BRD3: variants seen among roughly 807,000 people sequenced by gnomAD.
The protein encoded by BRD3 is bromodomain-containing protein 3.
In BRD3, 17 loss-of-function variants were observed where a neutral mutation model predicts 66.8. That is an observed-to-expected ratio of 0.25 (90% CI 0.17 to 0.38). The LOEUF is 0.38. Among genes scored for constraint, BRD3 ranks in the 10% least tolerant of loss-of-function variants. The pLI, the probability that BRD3 is intolerant of heterozygous loss-of-function variation, is 1.00. For synonymous variants in BRD3, 421 were observed against 393.2 expected (o/e 1.07, Z -0.84); for missense variants, 713 against 956.1 (o/e 0.75, Z 3.35).
intron 1 of BRD3, 184 bp from the exon 2 acceptor site, chr9:134,053,774 A>T (rs1830354757): frequency 2.0e-6 from 1 of 492,746 alleles, no homozygotes. Flanking sequence ...GCGAAGCGCG[A>T]CCAGCTCAGA....
At chr9:134,065,477 G>A (rs1005916961) in intron 1 of BRD3, among the ~76,000 whole-genome samples, 4 of 151,076 alleles carry the variant, frequency 2.6e-5, no homozygotes, top group South Asian at 4.2e-4. Flanking sequence ...CAGGAACCCC[G>A]TCAGGTCAGT....
At position 134,053,382 on chromosome 9, in the gene BRD3, G is replaced by A. The variant is rs138361550; in HGVS notation, c.96C>T (p.Pro32=). The A allele has an allele frequency of 6.0e-5, 97 of 1,613,360 alleles. No homozygotes were observed. The African/African-American group carries it at 8.3e-4, about 14-fold the overall frequency. Residue 32 remains proline, a synonymous_variant, in exon 2 of 12, where the codon CCC becomes CCT. Transcript: ENST00000303407. ...ACTGCAGCTGGTTGGTCTTGCGGCC[G>A]GGCTTGCTGGGGTTGGAGACCTCCG... ...PPPEVSNPSK[P]GRKTNQLQYM... is the part of the protein sequence containing the mutation.
chr9:134,066,631 A>G (rs1219922415), intron 1 of BRD3, among the ~76,000 whole-genome samples: 1 of 152,102 alleles, frequency 6.6e-6, no homozygotes, highest in Non-Finnish European at 1.5e-5. Context: ...CAGGGTAAAA[A>G]GAAAACTCTT....
intron 1 of BRD3, among the ~76,000 whole-genome samples, chr9:134,060,587 G>GACACACACAC (rs10661799): frequency 0.018 from 2,632 of 143,828 alleles, 40 homozygotes; most frequent in African/African-American, 0.028. Flanking sequence ...GCAAGACCCT[G>GACACACACAC]ACACACACAC....
At position 134,041,804 on chromosome 9, in the gene BRD3, A is replaced by G. The variant is rs780935416; in HGVS notation, c.1363T>C (p.Ser455Pro). 3.1e-6 allele frequency: 5 copies of G among 1,612,654 alleles called. No homozygotes were observed. The South Asian group carries it at 3.3e-5, about 11-fold the overall frequency. The change falls in exon 8 of 12, where the codon TCG becomes CCG. Residue 455 changes from serine to proline, a missense_variant. Transcript: ENST00000303407. ...ESSSDSGSSD[S>P]EEERATRLAE... The stretch of plus-strand genomic sequence containing the variant: ...AGCCTGGTGGCCCGCTCCTCCTCCG[A>G]GTCCGAGCTGCCTGAGTCCGAAGAG...
chr9:134,051,786 CA>C, intron 3 of BRD3, 77 bp from the exon 4 acceptor site: 8 of 1,455,508 alleles, frequency 5.5e-6, no homozygotes, highest in South Asian at 4.0e-5. Flanking sequence ...AGTTGTAGCT[CA>C]AAAAAATATT....
intron 1 of BRD3, chr9:134,054,380 G>A (rs1454585347): frequency 6.6e-6 from 1 of 152,066 alleles, no homozygotes; most frequent in Non-Finnish European, 1.5e-5. Context: ...GCGTGTCCCA[G>A]GAGGGCACGG....
intron 6 of BRD3, chr9:134,047,866 A>T: frequency 1.8e-6 from 1 of 557,396 alleles, no homozygotes; most frequent in Non-Finnish European, 3.0e-6. Context: ...AAACAACAAC[A>T]GAGCCACAGA....
At chr9:134,037,579 T>C (rs1009107891) in intron 9 of BRD3, among the ~76,000 whole-genome samples, 8 of 151,874 alleles carry the variant, frequency 5.3e-5, no homozygotes, top group Admixed American at 2.0e-4. Context: ...TCAAAAAAAT[T>C]TAAAAAATAA....
At chr9:134,066,684 G>C (rs1830665299) in intron 1 of BRD3, among the ~76,000 whole-genome samples, 2 of 152,200 alleles carry the variant, frequency 1.3e-5, no homozygotes, top group African/African-American at 2.4e-5. Flanking sequence ...GGGGGAGGAC[G>C]GGACACACGA....
intron 1 of BRD3, among the ~76,000 whole-genome samples, chr9:134,061,611 C>T (rs1183840517): frequency 2.6e-5 from 4 of 152,204 alleles, no homozygotes; most frequent in African/African-American, 7.2e-5. Context: ...GTACCTGTGT[C>T]CCTGACTGGA....
At chr9:134,035,291 G>A (rs1174203435) in intron 10 of BRD3, among the ~76,000 whole-genome samples, 4 of 152,176 alleles carry the variant, frequency 2.6e-5, no homozygotes, top group African/African-American at 9.7e-5. Context: ...CTTACCGTGG[G>A]TCAGACGCAC....
intron 1 of BRD3, among the ~76,000 whole-genome samples, chr9:134,061,887 G>T (rs1462980129): frequency 6.6e-6 from 1 of 152,144 alleles, no homozygotes; most frequent in Non-Finnish European, 1.5e-5. Flanking sequence ...CTGAGTCTGT[G>T]AGAAGGGATC....
chr9:134,040,039 G>A lies in BRD3; in HGVS notation c.1638C>T (p.Ala546=), dbSNP rs200519265. ...PAKKANSTTT[A]GRQLKKGGKQ... is the part of the protein sequence containing the mutation. ...CGAGCAGGTCTGGAGCCCACCTGCC[G>A]GCCGTGGTCGTGCTGTTGGCCTTCT... is the stretch of plus-strand genomic sequence containing the variant. Residue 546 remains alanine, a synonymous_variant, in exon 9 of 12, where the codon GCC becomes GCT. Transcript: ENST00000303407. The A allele has an allele frequency of 3.6e-4, 576 of 1,588,582 alleles. No individual in the cohort carries two copies. The highest frequency in any genetic ancestry group is 1.4e-3 in the South Asian group (121 of 87,792).
intron 9 of BRD3, among the ~76,000 whole-genome samples, chr9:134,037,792 GA>G (rs1829957795): frequency 1.3e-5 from 2 of 151,380 alleles, no homozygotes; most frequent in South Asian, 4.2e-4. Context: ...GATTCACCAA[GA>G]AAAAAAGACA....
rs141832041 is a variant in BRD3 at position 134,037,707 on chromosome 9, A to AT, written c.1644-1384dup. On this transcript the variant is annotated intron_variant, in intron 9 of 11. Transcript: ENST00000303407. ...AGATCAGAAATAAATAAAAGTAAAAATTTTTTTTAAAAACATCAATGAAAT... is the reference window on the plus strand; with the variant it reads ...AGATCAGAAATAAATAAAAGTAAAAATTTTTTTTTAAAAACATCAATGAAAT... Among the ~76,000 whole-genome samples, 1,299 of 152,114 alleles carry AT rather than the reference A, an allele frequency of 8.5e-3. 43 individuals carry two copies. Among genetic ancestry groups the AT allele is most frequent in the Admixed American group, 0.065 (999 of 15,282 alleles).
chr9:134,050,347 C>G (rs1830263261), intron 5 of BRD3, 27 bp downstream of exon 5: 6 of 1,597,838 alleles, frequency 3.8e-6, no homozygotes, highest in Non-Finnish European at 5.1e-6. Flanking sequence ...CTCAGGTGCC[C>G]CACCCATCCG....
In BRD3 at chr9:134,039,909, C is replaced by T; in HGVS notation, c.1643+125G>A. 5.5e-6 allele frequency: 8 copies of T among 1,459,768 alleles called. No homozygotes were observed. In the Admixed American group the frequency reaches 1.8e-4, roughly 33 times the overall value. 90.4% of individuals were successfully genotyped at this position (1,459,768 alleles called of 1,614,324 possible). A position where few individuals can be genotyped will look rare whatever the true frequency, so the allele number is the denominator to read the frequency against. On this transcript the variant is annotated intron_variant, in intron 9 of 11. Transcript: ENST00000303407. ...TCTCATCAGGCCCTCTGTCTCCCTG[C>T]CCCCATCACCCTGGTTTCCAGGTGG... is the stretch of plus-strand genomic sequence containing the variant.
Position 134,062,660 on chromosome 9 carries a change from C to T in BRD3, c.-114+5285G>A, listed in dbSNP as rs1830569533. 1.3e-5 allele frequency among the ~76,000 whole-genome samples: 2 copies of T among 152,216 alleles called. 1 individual carries two copies. The highest frequency in any genetic ancestry group is 4.1e-4 in the South Asian group (2 of 4,836). Reference sequence around the variant, plus strand: ...GAATAGAGAGGACTCAAAGGACGCTCTACCCCCGTGGGACCCTCATGAGGC... The same window carrying T: ...GAATAGAGAGGACTCAAAGGACGCTTTACCCCCGTGGGACCCTCATGAGGC... On this transcript the variant is annotated intron_variant, in intron 1 of 11. Coordinates refer to ENST00000303407, the MANE Select transcript of BRD3 (RefSeq NM_007371.4).
Sources: gnomAD v4.1 joint callset for allele counts (sites outside exome capture counted in the v4.1 genomes callset) on GRCh38, gnomAD v4.1.1 for gene constraint, MANE v1.5 for transcripts, NCBI Gene and HGNC (gene_info 2026-07-23, HGNC 2026-07-21) for gene names.